Variants in PWWP2A observed in about 807,000 individuals in gnomAD.
PWWP2A encodes the protein PWWP domain containing 2A, also known as PWWP domain-containing protein 2A.
In PWWP2A, 18 loss-of-function variants were observed where a neutral mutation model predicts 48.5. The ratio of observed to expected loss-of-function variants is 0.37; its 90% CI spans 0.26 to 0.55. PWWP2A has a LOEUF of 0.55. Among genes scored for constraint, PWWP2A ranks in the 20% least tolerant of loss-of-function variants. The pLI is 0.81. For missense variants in PWWP2A, 867 were observed against 976.4 expected, an observed-to-expected ratio of 0.89 and a Z score of 1.49; for synonymous variants, 396 against 387.7, an observed-to-expected ratio of 1.02 and a Z score of -0.25.
In PWWP2A at chr5:160,092,513, A is replaced by G. The variant is rs774949226; in HGVS notation, c.2137T>C (p.Leu713=). 14 of 1,551,482 alleles carry G rather than the reference A, an allele frequency of 9.0e-6. No homozygotes were observed. The highest frequency in any genetic ancestry group is 1.7e-4 in the Middle Eastern group (1 of 6,014). The stretch of plus-strand genomic sequence containing the variant: ...TTAAAGCGTGACTGGAAGTTTTCTA[A>G]AAAGGGGGAGAGTTGTGAAAGAGCA... ...FLALSQLSPF[L]ENFQSRFNKK... Residue 713 remains leucine (L), a synonymous_variant, in exon 2 of 2, where the codon TTA becomes CTA. Transcript: ENST00000307063.
intron 4 of PWWP2A, among the ~76,000 whole-genome samples, chr5:160,064,561 G>A (rs569705199): frequency 1.3e-5 from 2 of 152,346 alleles, no homozygotes; most frequent in South Asian, 4.1e-4. Context: ...GACCTGGCTT[G>A]GCAGGGTGCC....
the PWWP2A span, among the ~76,000 whole-genome samples, chr5:160,048,998 T>C: frequency 6.6e-6 from 1 of 152,120 alleles, no homozygotes; most frequent in African/African-American, 2.4e-5. Flanking sequence ...TTGAACTCTG[T>C]TCTGGCCTGT....
chr5:160,104,512 T>C (rs1015558726), intron 1 of PWWP2A, among the ~76,000 whole-genome samples: 1 of 151,976 alleles, frequency 6.6e-6, no homozygotes, highest in Non-Finnish European at 1.5e-5. Context: ...ATTACTTTGT[T>C]AAAAACGTGG....
chr5:160,056,611 C>T, the PWWP2A span, among the ~76,000 whole-genome samples: 1 of 152,102 alleles, frequency 6.6e-6, no homozygotes. Context: ...TAGTCTCAGC[C>T]ACTTGGGAGG....
intron 1 of PWWP2A, among the ~76,000 whole-genome samples, chr5:160,094,926 T>C (rs1755457305): frequency 6.6e-6 from 1 of 151,298 alleles, no homozygotes; most frequent in Admixed American, 6.6e-5. Context: ...CAGGCGCCAG[T>C]AGTCCCAGCT....
At chr5:160,079,277 CT>C (rs904526712) in intron 3 of PWWP2A, among the ~76,000 whole-genome samples, 16 of 151,778 alleles carry the variant, frequency 1.1e-4, no homozygotes, top group African/African-American at 3.9e-4. Flanking sequence ...TTTGTGTTGC[CT>C]TCCGGTGTTC....
At chr5:160,083,821 T>C (rs1351543871) in intron 2 of PWWP2A, among the ~76,000 whole-genome samples, 2 of 152,286 alleles carry the variant, frequency 1.3e-5, no homozygotes, top group Middle Eastern at 3.4e-3. Context: ...AATAGGAAAG[T>C]GAGTACCAGA....
chr5:160,087,068 G>C (rs1754696424), downstream of PWWP2A, among the ~76,000 whole-genome samples: 1 of 140,454 alleles, frequency 7.1e-6, no homozygotes, highest in Non-Finnish European at 1.6e-5. Context: ...AAATTTGGCA[G>C]TTACAGTTCT....
At chr5:160,088,795 C>T (rs970325552), downstream of PWWP2A, among the ~76,000 whole-genome samples, 1 of 152,148 alleles carries the variant, frequency 6.6e-6, no homozygotes, top group Non-Finnish European at 1.5e-5. Context: ...AGAAAATTAA[C>T]AACTTAAAAG....
rs180693508 is a variant in PWWP2A, at chr5:160,068,429, G to A, written c.*80-1558C>T. 1.9e-3 allele frequency among the ~76,000 whole-genome samples: 282 copies of A among 151,760 alleles called. 1 individual carries two copies. Among genetic ancestry groups the A allele is most frequent in the East Asian group, 5.3e-3 (27 of 5,116 alleles). Reference sequence around the variant, plus strand: ...AGCCTGGCCAATGTGGTGAAACCTCGTCTCTACTAAAAATACAAAATTAGC... The same window carrying A: ...AGCCTGGCCAATGTGGTGAAACCTCATCTCTACTAAAAATACAAAATTAGC... On this transcript the variant is annotated intron_variant and NMD_transcript_variant, in intron 2 of 5. Coordinates refer to the PWWP2A transcript ENST00000524050.
chr5:160,083,489 G>A (rs1399821957), intron 2 of PWWP2A, among the ~76,000 whole-genome samples: 3 of 152,154 alleles, frequency 2.0e-5, no homozygotes, highest in African/African-American at 4.8e-5. Flanking sequence ...TCCTCCATAC[G>A]GCAAAACATT....
At chr5:160,108,997 G>A (rs1757173693) in intron 1 of PWWP2A, among the ~76,000 whole-genome samples, 1 of 152,020 alleles carries the variant, frequency 6.6e-6, no homozygotes, top group African/African-American at 2.4e-5. Context: ...TTTATTTTTT[G>A]TCTTCAGATA....
In PWWP2A at chr5:160,092,800, G is replaced by A. The variant is rs1755217487; in HGVS notation, c.1850C>T (p.Ser617Phe). ...TTCCTTTGAAGAGGAGGAAGTGGAG[G>A]AGGTGGAAGGTGCATGCATACTGCC... ...PPGSMHAPST[S>F]STSSSSKEEK... is the part of the protein sequence containing the mutation. The change falls in exon 2 of 2, where the codon TCC becomes TTC. Residue 617 changes from serine (S) to phenylalanine (F), a missense_variant. Transcript: ENST00000307063. The A allele has an allele frequency of 4.5e-6, 7 of 1,551,698 alleles. No homozygotes were observed. In the Admixed American group the frequency reaches 5.9e-5, roughly 13 times the overall value.
At chr5:160,045,284 A>G in the PWWP2A span, among the ~76,000 whole-genome samples, 2 of 152,158 alleles carry the variant, frequency 1.3e-5, no homozygotes, top group Non-Finnish European at 2.9e-5. Flanking sequence ...AAAGGAGAAG[A>G]AAGTGTTTTC....
downstream of PWWP2A, among the ~76,000 whole-genome samples, chr5:160,058,503 T>C (rs992879463): frequency 4.7e-5 from 7 of 150,366 alleles, no homozygotes; most frequent in African/African-American, 1.2e-4. Context: ...CTCCGCCTCC[T>C]GGGTTCACGC....
intron 4 of PWWP2A, chr5:160,065,679 C>G: frequency 3.6e-6 from 1 of 278,222 alleles, no homozygotes; most frequent in South Asian, 3.5e-5. Flanking sequence ...TTTTTGTTGC[C>G]TTGAAGATTT....
At chr5:160,110,796 T>C (rs2431741) in intron 1 of PWWP2A, among the ~76,000 whole-genome samples, 101,898 of 149,778 alleles carry the variant, frequency 0.68, 34,266 homozygotes, top group East Asian at 0.73. Context: ...TTTTGGGAGG[T>C]CAAGGCAAGC....
downstream of PWWP2A, among the ~76,000 whole-genome samples, chr5:160,073,205 C>T (rs577985395): frequency 2.0e-5 from 3 of 148,710 alleles, no homozygotes; most frequent in East Asian, 2.0e-4. Flanking sequence ...TAGACTAAGG[C>T]AGGTTATTAG....
downstream of PWWP2A, chr5:160,089,794 A>C (rs1754923848): frequency 1.0e-6 from 1 of 985,278 alleles, no homozygotes; most frequent in Non-Finnish European, 1.2e-6. Flanking sequence ...TCCCACTCCA[A>C]GGGGAAAAAA....
Sources: gnomAD v4.1 joint callset for allele counts (sites outside exome capture counted in the v4.1 genomes callset) on GRCh38, gnomAD v4.1.1 for gene constraint, MANE v1.5 for transcripts, NCBI Gene and HGNC (gene_info 2026-07-23, HGNC 2026-07-21) for gene names.